The following CYP4F22 variants were observed in gnomAD, a reference collection of about 807,000 sequenced individuals.
CYP4F22 encodes the protein cytochrome P450 family 4 subfamily F member 22, also known as ultra-long-chain fatty acid omega-hydroxylase.
In CYP4F22, 37 loss-of-function variants were observed where a neutral mutation model predicts 60.4. The observed-to-expected ratio is 0.61, with a 90% confidence interval of 0.47 to 0.81. The LOEUF (loss-of-function observed/expected upper bound fraction) is 0.81. Ranked by LOEUF, CYP4F22 falls within the 30% of genes least tolerant of loss-of-function variation. CYP4F22 has a pLI of 0.00. For synonymous variants in CYP4F22, 258 were observed against 280.5 expected, an observed-to-expected ratio of 0.92 and a Z score of 0.80; for missense variants, 655 against 715.0, an observed-to-expected ratio of 0.92 and a Z score of 0.96.
chr19:15,519,386 C>T (rs543803985), intron 1 of CYP4F22, among the ~76,000 whole-genome samples: 1 of 152,172 alleles, frequency 6.6e-6, no homozygotes, highest in African/African-American at 2.4e-5. Flanking sequence ...CCTCAGCCTC[C>T]CGAGTAGCTG....
chr19:15,538,117 ATGTGCT>A, intron 7 of CYP4F22, 124 bp downstream of exon 7: 1 of 1,363,744 alleles, frequency 7.3e-7, no homozygotes, highest in Non-Finnish European at 1.0e-6. Context: ...CGGATGGGCC[ATGTGCT>A]TCCGGGAAAC....
chr19:15,521,089 CA>C lies in CYP4F22; in HGVS notation c.-108-2603del, dbSNP rs1460248903. 3.3e-5 allele frequency among the ~76,000 whole-genome samples: 5 copies of C among 152,020 alleles called. No homozygotes were observed. In the East Asian group the frequency reaches 9.7e-4, roughly 29 times the overall value. On this transcript the variant is annotated intron_variant, in intron 1 of 13. Transcript: ENST00000269703. ...GCTGTGATTGGCTTATTTCACTGAA[CA>C]GGATGCCCTCAAGGTTCAACCCTGG...
chr19:15,518,319 A>C (rs1275744773), intron 1 of CYP4F22, among the ~76,000 whole-genome samples: 1 of 151,852 alleles, frequency 6.6e-6, no homozygotes, highest in Non-Finnish European at 1.5e-5. Flanking sequence ...CCTGGGTGAC[A>C]CAGCAAGACC....
intron 1 of CYP4F22, among the ~76,000 whole-genome samples, chr19:15,513,289 C>T (rs186764330): frequency 3.3e-5 from 5 of 151,474 alleles, no homozygotes; most frequent in Non-Finnish European, 7.4e-5. Flanking sequence ...GATTCTCCTG[C>T]CTCAGCCTCC....
intron 10 of CYP4F22, 67 bp from the exon 11 acceptor site, chr19:15,548,041 G>GGGGA: frequency 7.4e-7 from 1 of 1,348,594 alleles, no homozygotes; most frequent in Non-Finnish European, 1.0e-6. Flanking sequence ...GTGTGTGTGT[G>GGGGA]TGTGTGTGTT....
intron 4 of CYP4F22, among the ~76,000 whole-genome samples, chr19:15,533,487 T>C (rs1026793977): frequency 5.3e-5 from 8 of 152,116 alleles, no homozygotes; most frequent in African/African-American, 1.7e-4. Flanking sequence ...GGGTACATCA[T>C]AGAAAGAGAA....
In CYP4F22 at chr19:15,548,359, C is replaced by G. The variant is rs1243742771; in HGVS notation, c.1270+118C>G. ...TGCACTATCCCTGCAGATGGGATAG[C>G]TCTCTGTGTGCCTGTTGCTTCTGGG... On this transcript the variant is annotated intron_variant, in intron 11 of 13. Coordinates refer to ENST00000269703, the MANE Select transcript of CYP4F22 (RefSeq NM_173483.4). The G allele has an allele frequency of 2.8e-6, 4 of 1,442,488 alleles. No homozygotes were observed. In the African/African-American group the frequency reaches 5.6e-5, roughly 20 times the overall value. 89.4% of individuals were successfully genotyped at this position (1,442,488 alleles called of 1,614,324 possible).
At position 15,551,621 on chromosome 19, in the gene CYP4F22, T is replaced by C. The variant is rs113505294; in HGVS notation, c.*150T>C. 438 of 996,656 alleles carry C rather than the reference T, an allele frequency of 4.4e-4. 3 individuals carry two copies. In the African/African-American group the frequency reaches 6.1e-3, roughly 14 times the overall value. The allele number at this position is 996,656 out of a possible 1,614,324, so 61.7% of individuals were successfully genotyped here. On this transcript the variant is annotated 3_prime_UTR_variant, in exon 14 of 14. Transcript: ENST00000269703. ...CAGGCACCGCTGTTGAGCAGCCTGG[T>C]GGTACTGGCCACGCCCCTCAAGGCA...
At chr19:15,517,392 G>T (rs1418998896) in intron 1 of CYP4F22, among the ~76,000 whole-genome samples, 6 of 152,202 alleles carry the variant, frequency 3.9e-5, no homozygotes, top group Admixed American at 2.0e-4. Context: ...AGAGCCAGGG[G>T]TTGTTTGTCC....
At chr19:15,521,231 CT>C (rs58365952) in intron 1 of CYP4F22, among the ~76,000 whole-genome samples, 55,279 of 109,508 alleles carry the variant, frequency 0.5, 12,121 homozygotes, top group Non-Finnish European at 0.57. Context: ...TTACTTCCAC[CT>C]TTTTTTTTTT....
intron 12 of CYP4F22, 84 bp from the exon 13 acceptor site, chr19:15,550,590 T>A: frequency 7.1e-7 from 1 of 1,404,412 alleles, no homozygotes. Context: ...CCATCTTTAC[T>A]GACCCCCAGA....
intron 1 of CYP4F22, chr19:15,515,558 C>T (rs1423054811): frequency 3.7e-6 from 2 of 536,742 alleles, no homozygotes; most frequent in African/African-American, 3.8e-5. Flanking sequence ...CACCCCGTCT[C>T]TACTAAAAAG....
chr19:15,521,184 T>G (rs1335567980), intron 1 of CYP4F22, among the ~76,000 whole-genome samples: 1 of 152,040 alleles, frequency 6.6e-6, no homozygotes, highest in Non-Finnish European at 1.5e-5. Flanking sequence ...ATGGACCCTA[T>G]TTTGTTTATA....
chr19:15,513,254 C>T (rs1317721316), intron 1 of CYP4F22, among the ~76,000 whole-genome samples: 1 of 151,670 alleles, frequency 6.6e-6, no homozygotes, highest in Non-Finnish European at 1.5e-5. Flanking sequence ...CGGCTCACTG[C>T]AACCTCTGCC....
At chr19:15,537,278 A>G (rs1206603741) in intron 4 of CYP4F22, 83 bp from the exon 5 acceptor site, 15 of 1,566,142 alleles carry the variant, frequency 9.6e-6, no homozygotes, top group Middle Eastern at 2.3e-4. Context: ...TCCAGCCTGG[A>G]TGACAGAGCA....
rs530724165 is a variant in CYP4F22, at chr19:15,531,534, T to G, written c.367+1681T>G. Among the ~76,000 whole-genome samples the G allele has an allele frequency of 3.3e-5, 5 of 152,276 alleles. No homozygotes were observed. The East Asian group carries it at 5.8e-4, about 18-fold the overall frequency. On this transcript the variant is annotated intron_variant, in intron 4 of 13. Transcript: ENST00000269703. ...ATCTTCCCCTTCCACAGCTATTCCC[T>G]CTCAATGCCTTGTTGTCTCCCGTTA...
Position 15,512,718 on chromosome 19 carries a change from C to T in CYP4F22, c.-109+4135C>T, listed in dbSNP as rs974044963. 2.6e-5 allele frequency among the ~76,000 whole-genome samples: 4 copies of T among 152,174 alleles called. No homozygotes were observed. In the South Asian group the frequency reaches 6.2e-4, roughly 24 times the overall value. ...TTGGCCTCCCAAAGTGCTGGGATTA[C>T]GGGCATGAGCCACTTCACCTGGCTG... On this transcript the variant is annotated intron_variant, in intron 1 of 13. Transcript: ENST00000269703.
intron 7 of CYP4F22, 112 bp downstream of exon 7, chr19:15,538,105 C>T (rs1400283565): frequency 1.4e-6 from 2 of 1,450,486 alleles, no homozygotes; most frequent in Non-Finnish European, 1.9e-6. Flanking sequence ...GGAGCTCTGC[C>T]ACGGATGGGC....
chr19:15,535,283 C>T (rs558298125), intron 4 of CYP4F22, among the ~76,000 whole-genome samples: 1 of 152,312 alleles, frequency 6.6e-6, no homozygotes, highest in South Asian at 2.1e-4. Flanking sequence ...GGAGCTCCTC[C>T]AGGGAGGGCA....
Sources: allele counts gnomAD v4.1 joint callset (sites outside exome capture counted in the v4.1 genomes callset), GRCh38; gene constraint gnomAD v4.1.1; transcripts MANE v1.5; gene names NCBI Gene and HGNC (gene_info 2026-07-23, HGNC 2026-07-21).